TTC28: variants seen among roughly 807,000 people sequenced by gnomAD.
The protein encoded by TTC28 is tetratricopeptide repeat domain 28.
Under a neutral mutation model 198.0 loss-of-function variants are expected in TTC28, and 61 were observed. That is an observed-to-expected ratio of 0.31 (90% CI 0.25 to 0.38). The LOEUF (loss-of-function observed/expected upper bound fraction) is 0.38. Among genes scored for constraint, TTC28 ranks in the 10% least tolerant of loss-of-function variants. TTC28 has a pLI of 1.00. For missense variants in TTC28, 2,678 were observed against 3,164.0 expected (o/e 0.85, Z 3.69); for synonymous variants, 1,171 against 1,297.8 (o/e 0.90, Z 2.10).
chr22:28,279,667 GC>G (rs1342353559), intron 5 of TTC28, among the ~76,000 whole-genome samples: 5 of 152,084 alleles, frequency 3.3e-5, no homozygotes, highest in African/African-American at 4.8e-5. Context: ...ACCACAACAG[GC>G]CCATTTGATG....
At chr22:28,263,854 G>T (rs778549760) in intron 5 of TTC28, among the ~76,000 whole-genome samples, 1 of 152,036 alleles carries the variant, frequency 6.6e-6, no homozygotes, top group African/African-American at 2.4e-5. Context: ...TAGTGGAAAG[G>T]CAATTAGGAG....
At chr22:28,590,034 C>CAAAAAAAAAAAAAAAAAAAAA (rs71194779) in intron 2 of TTC28, among the ~76,000 whole-genome samples, 27 of 68,054 alleles carry the variant, frequency 4.0e-4, no homozygotes, top group African/African-American at 7.2e-4. Flanking sequence ...AAGACTCCAT[C>CAAAAAAAAAAAAAAAAAAAAA]AAAAAAAAAA....
At chr22:28,075,687 C>G (rs1392250226) in intron 12 of TTC28, among the ~76,000 whole-genome samples, 1 of 152,232 alleles carries the variant, frequency 6.6e-6, no homozygotes, top group Non-Finnish European at 1.5e-5. Context: ...TGTCTGGGCC[C>G]TTTCTTTCCT....
intron 3 of TTC28, among the ~76,000 whole-genome samples, chr22:28,298,680 G>A (rs1008502738): frequency 3.9e-5 from 6 of 152,002 alleles, no homozygotes; most frequent in East Asian, 1.9e-4. Context: ...CAAACTCCTC[G>A]GCTCAAGTGA....
intron 5 of TTC28, among the ~76,000 whole-genome samples, chr22:28,223,865 C>G (rs1381484829): frequency 2.0e-5 from 3 of 152,186 alleles, no homozygotes; most frequent in Non-Finnish European, 4.4e-5. Context: ...GATATTAAAC[C>G]TTCCCTTCTA....
intron 21 of TTC28, among the ~76,000 whole-genome samples, chr22:27,988,433 A>G (rs1937287911): frequency 6.6e-6 from 1 of 151,828 alleles, no homozygotes; most frequent in Non-Finnish European, 1.5e-5. Context: ...GACTACAGGC[A>G]TGCGCCTCCA....
At chr22:28,214,401 C>T (rs964871114) in intron 5 of TTC28, among the ~76,000 whole-genome samples, 4 of 152,190 alleles carry the variant, frequency 2.6e-5, no homozygotes, top group African/African-American at 9.6e-5. Context: ...GGGCGAATAT[C>T]CAGAATCTAC....
intron 2 of TTC28, among the ~76,000 whole-genome samples, chr22:28,576,293 A>G (rs1020484364): frequency 6.6e-6 from 1 of 152,004 alleles, no homozygotes; most frequent in Non-Finnish European, 1.5e-5. Flanking sequence ...ACATTGATTC[A>G]TTTGCATATG....
chr22:28,494,902 T>C (rs879802761), intron 2 of TTC28, among the ~76,000 whole-genome samples: 4 of 151,800 alleles, frequency 2.6e-5, no homozygotes, highest in Non-Finnish European at 5.9e-5. Flanking sequence ...AAATATTGCA[T>C]TGATGAAACA....
chr22:28,670,958 G>A (rs2051870403), intron 1 of TTC28, among the ~76,000 whole-genome samples: 1 of 152,142 alleles, frequency 6.6e-6, no homozygotes, highest in South Asian at 2.1e-4. Flanking sequence ...TAACGATGTT[G>A]CATACCTTTT....
chr22:28,247,166 T>C (rs1386673301), intron 5 of TTC28, among the ~76,000 whole-genome samples: 1 of 152,180 alleles, frequency 6.6e-6, no homozygotes, highest in African/African-American at 2.4e-5. Context: ...CTGCTAGGAC[T>C]GCCAGGGACA....
chr22:28,120,553 T>C (rs1458353271), intron 6 of TTC28, among the ~76,000 whole-genome samples: 6 of 152,154 alleles, frequency 3.9e-5, no homozygotes, highest in Non-Finnish European at 8.8e-5. Context: ...AGACAGTAAC[T>C]GCTACAGAAT....
At chr22:28,411,974 G>A (rs919373342) in intron 2 of TTC28, among the ~76,000 whole-genome samples, 11 of 152,126 alleles carry the variant, frequency 7.2e-5, no homozygotes, top group Non-Finnish European at 1.5e-4. Flanking sequence ...ATACTTTAAA[G>A]TATTACAATT....
chr22:28,677,175 A>ATAT (rs1291722557), intron 1 of TTC28, among the ~76,000 whole-genome samples: 20 of 69,412 alleles, frequency 2.9e-4, no homozygotes, highest in African/African-American at 1.5e-3. Flanking sequence ...AAAAAAAAAA[A>ATAT]ATATATATAT....
chr22:28,172,992 G>C (rs1287136378), intron 5 of TTC28, among the ~76,000 whole-genome samples: 1 of 152,146 alleles, frequency 6.6e-6, no homozygotes, highest in Non-Finnish European at 1.5e-5. Context: ...GTAAACTATA[G>C]AGTGCTCTGT....
intron 1 of TTC28, among the ~76,000 whole-genome samples, chr22:28,645,483 C>T (rs1393856584): frequency 3.3e-5 from 5 of 151,760 alleles, no homozygotes; most frequent in South Asian, 2.1e-4. Flanking sequence ...AAAATTTAGC[C>T]GGGCGTGGTG....
Position 28,096,364 on chromosome 22 carries a change from T to C in TTC28, c.3592A>G (p.Arg1198Gly), listed in dbSNP as rs2146864419. The change falls in exon 11 of 23, where the codon AGG (arginine) becomes GGG (glycine). Residue 1198 changes from arginine (R) to glycine (G), a missense_variant. This residue lies in a region of TTC28 where 727 missense variants were observed against 861.9 expected (regional missense o/e 0.84). Coordinates refer to ENST00000397906, the MANE Select transcript of TTC28 (RefSeq NM_001145418.2). Reference protein sequence around the residue: ...ALAVAERGRTRAFADLLVERQ... With the variant: ...ALAVAERGRTGAFADLLVERQ... ...TCCACCAGAAGATCAGCAAATGCCCTTGTCCGTCCCCTTTCTGCCACAGCC... is the reference window on the plus strand; with the variant it reads ...TCCACCAGAAGATCAGCAAATGCCCCTGTCCGTCCCCTTTCTGCCACAGCC... The C allele has an allele frequency of 6.4e-7, 1 of 1,551,936 alleles. No homozygotes were observed. Among genetic ancestry groups the C allele is most frequent in the Non-Finnish European group, 8.7e-7 (1 of 1,147,070 alleles).
intron 2 of TTC28, among the ~76,000 whole-genome samples, chr22:28,409,279 A>T (rs1367287921): frequency 6.6e-6 from 1 of 152,212 alleles, no homozygotes; most frequent in Non-Finnish European, 1.5e-5. Flanking sequence ...GAGACAAAGA[A>T]ATTCAACCCA....
chr22:28,557,697 T>C (rs1466483164), intron 2 of TTC28, among the ~76,000 whole-genome samples: 1 of 152,254 alleles, frequency 6.6e-6, no homozygotes, highest in East Asian at 1.9e-4. Context: ...ATTTGTCTCC[T>C]TCTGTATTTG....
Sources: allele counts gnomAD v4.1 joint callset (sites outside exome capture counted in the v4.1 genomes callset), GRCh38; gene constraint gnomAD v4.1.1; regional missense constraint gnomAD v4.1.1; transcripts MANE v1.5; gene names NCBI Gene and HGNC (gene_info 2026-07-23, HGNC 2026-07-21).